Variants in VASH1 observed in about 807,000 individuals in gnomAD.
VASH1 encodes vasohibin 1, also known as tubulinyl-Tyr carboxypeptidase 1.
Under a neutral mutation model 35.0 loss-of-function variants are expected in VASH1, and 16 were observed. That is an observed-to-expected ratio of 0.46 (90% CI 0.31 to 0.70). The LOEUF (loss-of-function observed/expected upper bound fraction) is 0.70, where lower values mean the gene tolerates loss of function less well. Ranked by LOEUF, VASH1 falls within the 30% of genes least tolerant of loss-of-function variation. The pLI is 0.05. For missense variants in VASH1, 505 were observed against 510.7 expected, an observed-to-expected ratio of 0.99 and a Z score of 0.11; for synonymous variants, 214 against 200.9, an observed-to-expected ratio of 1.07 and a Z score of -0.55.
At position 76,776,114 on chromosome 14, in the gene VASH1, G is replaced by C. The variant is rs1402944237; in HGVS notation, c.753G>C (p.Trp251Cys). The change falls in exon 5 of 7, where the codon TGG becomes TGC. Residue 251 changes from tryptophan to cysteine, a missense_variant. Trp to Cys is a radical substitution (Grantham distance 215, BLOSUM62 -2). Transcript: ENST00000167106. ...TCGAGGCCGCCTACGGCCGCTGCTG[G>C]CACGTGCTCAAGAAGGTGAAGCTGG... ...LDFEAAYGRC[W>C]HVLKKVKLGQ... The C allele has an allele frequency of 1.9e-6, 3 of 1,609,284 alleles. No individual in the cohort carries two copies. The highest frequency in any genetic ancestry group is 1.1e-5 in the South Asian group (1 of 90,916).
At chr14:76,776,644 A>G (rs960392955) in intron 5 of VASH1, among the ~76,000 whole-genome samples, 11 of 152,166 alleles carry the variant, frequency 7.2e-5, no homozygotes, top group African/African-American at 2.7e-4. Context: ...GGAGGTGGTC[A>G]GAAGAAAGGG....
chr14:76,778,810 C>T (rs79987438), intron 6 of VASH1, 136 bp from the exon 7 acceptor site: 26 of 835,800 alleles, frequency 3.1e-5, no homozygotes, highest in East Asian at 2.5e-4. Context: ...CACTTCCATA[C>T]GCACTGTGCT....
chr14:76,779,628 GCCTTCAGGC>G lies in VASH1; in HGVS notation c.*615_*623del, dbSNP rs1447699113. On this transcript the variant is annotated 3_prime_UTR_variant, in exon 7 of 7. Coordinates refer to ENST00000167106, the MANE Select transcript of VASH1 (RefSeq NM_014909.5). Reference sequence around the variant, plus strand: ...GAGCATGAGCTCGTGGCTCAGGAGAGCCTTCAGGCCCTTGAGGCCCCCATGGGCAGTGCT... The same window carrying G: ...GAGCATGAGCTCGTGGCTCAGGAGAGCCTTGAGGCCCCCATGGGCAGTGCT... The G allele has an allele frequency of 1.6e-6, 1 of 613,280 alleles. No homozygotes were observed. 38.0% of individuals were successfully genotyped at this position (613,280 alleles called of 1,614,324 possible).
chr14:76,768,765 C>T (rs1893711487), intron 1 of VASH1, among the ~76,000 whole-genome samples: 1 of 152,288 alleles, frequency 6.6e-6, no homozygotes, highest in East Asian at 1.9e-4. Flanking sequence ...CACACGTGCC[C>T]CTGAGCACAG....
Position 76,776,255 on chromosome 14 carries a change from C to A in VASH1, c.894C>A (p.Ala298=). 6.3e-7 allele frequency: 1 copy of A among 1,596,466 alleles called. No individual in the cohort carries two copies. ...TCCGCAAGGAGCTGGAGCGCCACGC[C>A]CGCGACATGCGGCTCAAGGTCTGCC... The part of the protein sequence containing the change: ...DDFRKELERH[A]RDMRLKIGKG... Residue 298 remains alanine, a synonymous_variant, in exon 5 of 7, where the codon GCC becomes GCA. Transcript: ENST00000167106.
intron 2 of VASH1, 40 bp from the exon 3 acceptor site, chr14:76,771,150 C>T: frequency 6.6e-7 from 1 of 1,516,082 alleles, no homozygotes; most frequent in Non-Finnish European, 8.8e-7. Flanking sequence ...GGTCAACCTC[C>T]TTCAGGCCAA....
chr14:76,771,149 CCTT>C (rs1893784682), intron 2 of VASH1, 38 bp from the exon 3 acceptor site: 1 of 1,513,714 alleles, frequency 6.6e-7, no homozygotes, highest in Non-Finnish European at 8.9e-7. Context: ...GGGTCAACCT[CCTT>C]CAGGCCAAGC....
chr14:76,766,224 C>A (rs896609292), intron 1 of VASH1, among the ~76,000 whole-genome samples: 8 of 152,172 alleles, frequency 5.3e-5, no homozygotes, highest in South Asian at 2.1e-4. Flanking sequence ...GCAACAATTT[C>A]TAGAAAGATC....
chr14:76,763,842 T>G (rs1235868753), intron 1 of VASH1, among the ~76,000 whole-genome samples: 1 of 152,204 alleles, frequency 6.6e-6, no homozygotes, highest in African/African-American at 2.4e-5. Context: ...ATACTTCAGT[T>G]GTGTCACCAA....
chr14:76,775,765 TG>T, intron 4 of VASH1, 126 bp from the exon 5 acceptor site: 1 of 1,361,352 alleles, frequency 7.3e-7, no homozygotes, highest in Non-Finnish European at 9.7e-7. Context: ...CGTATGGAGA[TG>T]AGCAGGACTG....
Position 76,782,436 on chromosome 14 carries a change from A to C in VASH1, c.*3418A>C, listed in dbSNP as rs1268644804. ...TCTCATTCTGGCTGGTCGAGTGACC[A>C]GAGGCCTGTGTGAATGTGTGCACCT... On this transcript the variant is annotated 3_prime_UTR_variant, in exon 7 of 7. Transcript: ENST00000167106. 1 of 152,262 alleles carries C rather than the reference A, an allele frequency of 6.6e-6. No homozygotes were observed. The highest frequency in any genetic ancestry group is 1.5e-5 in the Non-Finnish European group (1 of 68,060). The allele number at this position is 152,262 out of a possible 1,614,324, so 9.4% of individuals were successfully genotyped here. A position where few individuals can be genotyped will look rare whatever the true frequency, so the allele number is the denominator to read the frequency against.
At chr14:76,773,054 A>G (rs1893835725) in intron 3 of VASH1, 83 bp from the exon 4 acceptor site, 5 of 1,369,900 alleles carry the variant, frequency 3.6e-6, no homozygotes, top group Middle Eastern at 1.9e-4. Flanking sequence ...TAGCATTTCT[A>G]GTCCACCCTG....
chr14:76,762,683 T>C lies in VASH1; in HGVS notation c.-139T>C. ...TGATTTTTTTTATCAAGTCGTATTTTATTGTACAGGAGCCACGCCCTGATT... is the reference window on the plus strand; with the variant it reads ...TGATTTTTTTTATCAAGTCGTATTTCATTGTACAGGAGCCACGCCCTGATT... On this transcript the variant is annotated 5_prime_UTR_variant, in exon 1 of 7. Transcript: ENST00000167106. 1 of 669,662 alleles carries C rather than the reference T, an allele frequency of 1.5e-6. No individual in the cohort carries two copies. The highest frequency in any genetic ancestry group is 4.0e-5 in the Admixed American group (1 of 24,828). 41.5% of individuals were successfully genotyped at this position (669,662 alleles called of 1,614,324 possible). A position where few individuals can be genotyped will look rare whatever the true frequency, so the allele number is the denominator to read the frequency against.
chr14:76,771,383 C>A, intron 3 of VASH1, 137 bp downstream of exon 3: 1 of 728,894 alleles, frequency 1.4e-6, no homozygotes, highest in Non-Finnish European at 2.0e-6. Context: ...GGGGCAGGTG[C>A]CACCCTGGGG....
At chr14:76,770,175 G>T (rs964987863) in intron 2 of VASH1, 124 bp downstream of exon 2, 1 of 881,640 alleles carries the variant, frequency 1.1e-6, no homozygotes, top group African/African-American at 1.7e-5. Flanking sequence ...CACCATTCAC[G>T]TGACATCTCT....
rs767413139 is a variant in VASH1, at chr14:76,771,272, G to A, written c.455+26G>A. ...GTAAGTATGGGGAGGCCAGTCCTCT[G>A]CCCCAGGGCTGGCTTGGAGCTTCTT... On this transcript the variant is annotated intron_variant, in intron 3 of 6. Coordinates refer to ENST00000167106, the MANE Select transcript of VASH1 (RefSeq NM_014909.5). 3.8e-6 allele frequency: 6 copies of A among 1,571,606 alleles called. No homozygotes were observed. In the East Asian group the frequency reaches 7.1e-5, roughly 19 times the overall value.
At chr14:76,775,850 C>G (rs1305286144) in intron 4 of VASH1, 42 bp from the exon 5 acceptor site, 1 of 1,507,820 alleles carries the variant, frequency 6.6e-7, no homozygotes, top group South Asian at 1.3e-5. Flanking sequence ...TGTGCTGGCC[C>G]CGTGCTTCTC....
intron 1 of VASH1, chr14:76,769,174 C>T: frequency 4.0e-6 from 3 of 743,766 alleles, no homozygotes; most frequent in Non-Finnish European, 4.9e-6. Flanking sequence ...CCTCCAGGCT[C>T]CCAGGCATCG....
rs1234996852 is a variant in VASH1, at chr14:76,769,962, G to C, written c.310-1G>C. The C allele has an allele frequency of 1.9e-6, 3 of 1,613,944 alleles. No homozygotes were observed. The highest frequency in any genetic ancestry group is 2.5e-6 in the Non-Finnish European group (3 of 1,179,830). On this transcript the variant is annotated splice_acceptor_variant, in intron 1 of 6. Coordinates refer to ENST00000167106, the MANE Select transcript of VASH1 (RefSeq NM_014909.5). LOFTEE classifies it high-confidence loss of function. ...GACCGGAGCTCTTTCTCTGTCCCCA[G>C]ATCCCCATACCGAGTGTGCCTACGT...
Sources: gnomAD v4.1 joint callset for allele counts (sites outside exome capture counted in the v4.1 genomes callset) on GRCh38, gnomAD v4.1.1 for gene constraint, MANE v1.5 for transcripts, NCBI Gene and HGNC (gene_info 2026-07-23, HGNC 2026-07-21) for gene names.